KCTD21: variants seen among roughly 807,000 people sequenced by gnomAD.
KCTD21 encodes potassium channel tetramerization domain containing 21.
Under a neutral mutation model 13.2 loss-of-function variants are expected in KCTD21, and 9 were observed. The observed-to-expected ratio is 0.68, with a 90% confidence interval of 0.41 to 1.19. The LOEUF is 1.19. KCTD21 is among the 50% of genes most tolerant of loss of function. The pLI, the probability that KCTD21 is intolerant of heterozygous loss-of-function variation, is 0.01. For missense variants in KCTD21, 303 were observed against 336.5 expected, an observed-to-expected ratio of 0.90 and a Z score of 0.78; for synonymous variants, 142 against 137.4, an observed-to-expected ratio of 1.03 and a Z score of -0.23.
chr11:78,188,303 C>T (rs1590888312), intron 1 of KCTD21: 1 of 984,888 alleles, frequency 1.0e-6, no homozygotes, highest in Non-Finnish European at 1.2e-6. Flanking sequence ...TCCCACAGTC[C>T]CGACCCTCAT....
intron 1 of KCTD21, among the ~76,000 whole-genome samples, chr11:78,175,928 C>T (rs999832288): frequency 2.0e-5 from 3 of 152,046 alleles, no homozygotes; most frequent in Admixed American, 6.6e-5. Flanking sequence ...GTTCCCCTTC[C>T]TGTGTCCATG....
At chr11:78,184,304 A>T (rs1188631429) in intron 1 of KCTD21, among the ~76,000 whole-genome samples, 1 of 152,240 alleles carries the variant, frequency 6.6e-6, no homozygotes, top group African/African-American at 2.4e-5. Flanking sequence ...AACCAATCAA[A>T]CATATTTAAA....
chr11:78,188,313 T>G (rs1024013716), intron 1 of KCTD21: 1 of 977,102 alleles, frequency 1.0e-6, no homozygotes, highest in Non-Finnish European at 1.2e-6. Context: ...CCGACCCTCA[T>G]TATCCGGGCT....
intron 1 of KCTD21, chr11:78,187,541 C>T (rs1862822721): frequency 1.0e-6 from 1 of 985,424 alleles, no homozygotes; most frequent in South Asian, 4.7e-5. Context: ...ATCCCCCAGC[C>T]CCTTCCAGAA....
Position 78,173,635 on chromosome 11 carries a change from G to T in KCTD21, c.*137C>A. 1.3e-6 allele frequency: 1 copy of T among 752,138 alleles called. No individual in the cohort carries two copies. Among genetic ancestry groups the T allele is most frequent in the Non-Finnish European group, 2.2e-6 (1 of 453,520 alleles). 46.6% of individuals were successfully genotyped at this position (752,138 alleles called of 1,614,324 possible). A position where few individuals can be genotyped will look rare whatever the true frequency, so the allele number is the denominator to read the frequency against. On this transcript the variant is annotated 3_prime_UTR_variant, in exon 2 of 2. Coordinates refer to ENST00000340067, the MANE Select transcript of KCTD21 (RefSeq NM_001029859.3). ...ATTCCAAAAGGTGGACTTCATCATG[G>T]GGGGAATCAAGTCCTGCTACACAAT... is the stretch of plus-strand genomic sequence containing the variant.
intron 1 of KCTD21, chr11:78,176,850 A>ACAACAACAACAACAACAG (rs1156465532): frequency 6.6e-6 from 1 of 151,896 alleles, no homozygotes; most frequent in Non-Finnish European, 1.5e-5. Context: ...AACAACAACA[A>ACAACAACAACAACAACAG]CAACAACAAC....
At chr11:78,179,993 A>G (rs574623751) in intron 1 of KCTD21, among the ~76,000 whole-genome samples, 191 of 152,250 alleles carry the variant, frequency 1.3e-3, no homozygotes, top group African/African-American at 4.3e-3. Flanking sequence ...CAAAATGCAG[A>G]TCAGTGGACA....
At chr11:78,174,646 T>G in intron 1 of KCTD21, 63 bp from the exon 2 acceptor site, 3 of 1,130,474 alleles carry the variant, frequency 2.7e-6, no homozygotes, top group Non-Finnish European at 3.7e-6. Flanking sequence ...TCACAGTCCT[T>G]AACTCCTTAT....
chr11:78,178,732 C>CT (rs1345483852), intron 1 of KCTD21, among the ~76,000 whole-genome samples: 5 of 152,208 alleles, frequency 3.3e-5, no homozygotes, highest in African/African-American at 1.2e-4. Context: ...GGCAAAAAAT[C>CT]TGAGGCCAAT....
chr11:78,188,048 G>A (rs760235255), intron 1 of KCTD21: 7 of 985,334 alleles, frequency 7.1e-6, no homozygotes, highest in Non-Finnish European at 8.4e-6. Context: ...AGTAAAGGGA[G>A]GTGTTCTATG....
chr11:78,179,661 A>G (rs1353892381), intron 1 of KCTD21, among the ~76,000 whole-genome samples: 1 of 151,726 alleles, frequency 6.6e-6, no homozygotes, highest in Non-Finnish European at 1.5e-5. Context: ...TCCCTGCCCA[A>G]CCACCTTCCT....
chr11:78,187,989 T>C lies in KCTD21; in HGVS notation c.-30+584A>G, dbSNP rs532862929. The C allele has an allele frequency of 7.1e-6, 7 of 985,410 alleles. No homozygotes were observed. The East Asian group carries it at 6.8e-4, about 96-fold the overall frequency. 61.0% of individuals were successfully genotyped at this position (985,410 alleles called of 1,614,324 possible). On this transcript the variant is annotated intron_variant, in intron 1 of 1. Transcript: ENST00000340067. ...TTCAGGGCGTGGGAGGTCAATGAGA[T>C]CACTGGTGTGCCGCACTGAACTCGG...
At chr11:78,182,243 G>C (rs1862646142) in intron 1 of KCTD21, among the ~76,000 whole-genome samples, 1 of 151,782 alleles carries the variant, frequency 6.6e-6, no homozygotes, top group Non-Finnish European at 1.5e-5. Context: ...AGTGAGCCAA[G>C]ACTGTGCCAC....
At chr11:78,187,324 G>A (rs757488081) in intron 1 of KCTD21, 593 of 985,214 alleles carry the variant, frequency 6.0e-4, no homozygotes, top group Non-Finnish European at 6.9e-4. Context: ...GTCTTGCCCA[G>A]TCCATATCTC....
At chr11:78,187,484 C>T in intron 1 of KCTD21, 1 of 985,390 alleles carries the variant, frequency 1.0e-6, no homozygotes, top group Non-Finnish European at 1.2e-6. Context: ...GAATCTGGCA[C>T]GGCAAGGTAT....
intron 1 of KCTD21, among the ~76,000 whole-genome samples, chr11:78,185,593 G>A (rs1022116221): frequency 3.3e-5 from 5 of 149,882 alleles, no homozygotes; most frequent in African/African-American, 1.3e-4. Context: ...ACACCACTAG[G>A]CCTATTTTTT....
chr11:78,187,638 C>A, intron 1 of KCTD21: 1 of 985,434 alleles, frequency 1.0e-6, no homozygotes, highest in Non-Finnish European at 1.2e-6. Flanking sequence ...CGCTCTCTTC[C>A]TATGTCTCCT....
At position 78,174,488 on chromosome 11, in the gene KCTD21, T is replaced by G. The variant is rs1031372936; in HGVS notation, c.67A>C (p.Ser23Arg). 5.6e-6 allele frequency: 9 copies of G among 1,614,066 alleles called. No homozygotes were observed. The South Asian group carries it at 8.8e-5, about 16-fold the overall frequency. ...LYTTSLATLT[S>R]FPDSMLGAMF... ...GCGCCTAGCATGGAGTCAGGGAAGCTGGTCAGGGTCGCCAGTGAGGTTGTA... is the reference window on the plus strand; with the variant it reads ...GCGCCTAGCATGGAGTCAGGGAAGCGGGTCAGGGTCGCCAGTGAGGTTGTA... The change falls in exon 2 of 2, where the codon AGC becomes CGC. Residue 23 changes from serine (S) to arginine (R), a missense_variant. Physicochemically the swap from Ser to Arg is moderately radical, Grantham distance 110 (BLOSUM62 -1). Transcript: ENST00000340067.
intron 1 of KCTD21, among the ~76,000 whole-genome samples, chr11:78,186,405 A>AAAAAAAAAAAAAAAAAAG (rs1862772137): frequency 7.5e-6 from 1 of 133,976 alleles, no homozygotes; most frequent in African/African-American, 2.9e-5. Flanking sequence ...AAAAAAAAAA[A>AAAAAAAAAAAAAAAAAAG]AAGAAAAGAA....
Sources: gnomAD v4.1 joint callset for allele counts (sites outside exome capture counted in the v4.1 genomes callset) on GRCh38, gnomAD v4.1.1 for gene constraint, MANE v1.5 for transcripts, NCBI Gene and HGNC (gene_info 2026-07-23, HGNC 2026-07-21) for gene names.